The following ANKRD13D variants were observed in gnomAD, a reference collection of about 807,000 sequenced individuals.
The protein encoded by ANKRD13D is ankyrin repeat domain 13D.
A neutral mutation model predicts 68.8 loss-of-function variants in ANKRD13D; 24 were observed. That is an observed-to-expected ratio of 0.35 (90% CI 0.25 to 0.49). The LOEUF is 0.49. ANKRD13D is among the 20% of genes least tolerant of loss of function. ANKRD13D has a pLI of 0.99. For synonymous variants in ANKRD13D, 331 were observed against 336.1 expected (o/e 0.98, Z 0.16); for missense variants, 735 against 832.1 (o/e 0.88, Z 1.44).
Position 67,300,385 on chromosome 11 carries a change from C to T in ANKRD13D, c.1073+262C>T, listed in dbSNP as rs970069056. On this transcript the variant is annotated intron_variant, in intron 10 of 14. Coordinates refer to ENST00000511455, the MANE Select transcript of ANKRD13D (RefSeq NM_207354.3). This position sits in a 1 kb window ranked among gnomAD's most constrained non-coding sequence, Gnocchi z 4.3. ...TTCTATTGAATTTCATGAGTACCTG[C>T]TGGGGCCAGCGTGGCACAGTGGGAA... is the stretch of plus-strand genomic sequence containing the variant. 3.5e-5 allele frequency: 17 copies of T among 486,510 alleles called. No homozygotes were observed. The highest frequency in any genetic ancestry group is 2.9e-4 in the African/African-American group (15 of 51,070). 30.1% of individuals were successfully genotyped at this position (486,510 alleles called of 1,614,324 possible). A position where few individuals can be genotyped will look rare whatever the true frequency, so the allele number is the denominator to read the frequency against.
At chr11:67,290,254 C>T (rs144267578) in intron 2 of ANKRD13D, 41 bp downstream of exon 2, 10 of 1,544,164 alleles carry the variant, frequency 6.5e-6, no homozygotes, top group Middle Eastern at 1.7e-4. Flanking sequence ...GGCTGGCAGG[C>T]GGGGGGCAGT....
intron 6 of ANKRD13D, 164 bp from the exon 7 acceptor site, chr11:67,298,894 C>T (rs568559913): frequency 2.9e-6 from 2 of 689,728 alleles, no homozygotes; most frequent in African/African-American, 1.8e-5. Context: ...AGTGTCCCCC[C>T]CTGTCCAGGC....
intron 6 of ANKRD13D, among the ~76,000 whole-genome samples, chr11:67,293,483 A>G (rs1483035251): frequency 6.6e-6 from 1 of 151,998 alleles, no homozygotes; most frequent in Admixed American, 6.6e-5. Flanking sequence ...CAGATCCTTT[A>G]CTCATTTTTT....
Position 67,297,670 on chromosome 11 carries a change from C to T in ANKRD13D, c.732-1388C>T, listed in dbSNP as rs1032674159. Reference sequence around the variant, plus strand: ...CCTCCCGAGTAGCTGGGACTATAGGCGCCTGCCACCACGCCCGGCTAATTT... The same window carrying T: ...CCTCCCGAGTAGCTGGGACTATAGGTGCCTGCCACCACGCCCGGCTAATTT... On this transcript the variant is annotated intron_variant, in intron 6 of 14. Coordinates refer to ENST00000511455, the MANE Select transcript of ANKRD13D (RefSeq NM_207354.3). Among the ~76,000 whole-genome samples, 85 of 152,036 alleles carry T rather than the reference C, an allele frequency of 5.6e-4. 1 individual carries two copies. The highest frequency in any genetic ancestry group is 1.6e-4 in the Non-Finnish European group (11 of 67,986).
chr11:67,301,876 CG>C lies in ANKRD13D; in HGVS notation c.1604+57del. 6.6e-7 allele frequency: 1 copy of C among 1,517,900 alleles called. No homozygotes were observed. The allele number at this position is 1,517,900 out of a possible 1,614,324, so 94.0% of individuals were successfully genotyped here. A position where few individuals can be genotyped will look rare whatever the true frequency, so the allele number is the denominator to read the frequency against. ...CCCTGTCCCCCCAGCCCTGGCTTGG[CG>C]GGGAGGGGGATAGCAGGAAGGTGCT... On this transcript the variant is annotated intron_variant, in intron 14 of 14. Coordinates refer to ENST00000511455, the MANE Select transcript of ANKRD13D (RefSeq NM_207354.3). The surrounding 1 kb of genome is among the most constrained non-coding windows in gnomAD (Gnocchi z 4.5).
At chr11:67,292,593 CT>C (rs1860610168) in intron 6 of ANKRD13D, among the ~76,000 whole-genome samples, 1 of 151,866 alleles carries the variant, frequency 6.6e-6, no homozygotes, top group Non-Finnish European at 1.5e-5. Context: ...CACATGCCCC[CT>C]CTTGCCTTAA....
Position 67,302,182 on chromosome 11 carries a change from A to ACCCCCAG in ANKRD13D, c.1674_1680dup (p.Gly561SerfsTer8). The ACCCCCAG allele has an allele frequency of 6.3e-7, 1 of 1,594,470 alleles. No individual in the cohort carries two copies. Among genetic ancestry groups the ACCCCCAG allele is most frequent in the Non-Finnish European group, 8.5e-7 (1 of 1,171,560 alleles). On this transcript the variant is annotated frameshift_variant, in exon 15 of 15. Coordinates refer to ENST00000511455, the MANE Select transcript of ANKRD13D (RefSeq NM_207354.3). LOFTEE classifies it high-confidence loss of function. ...GGGGCCCAGGATCCCCTCCCAGGAC[A>ACCCCCAG]CCCCCAGCCCCCGGTCCACCCAGCT...
At position 67,301,692 on chromosome 11, in the gene ANKRD13D, A is replaced by G. The variant is rs1386667489; in HGVS notation, c.1513-40A>G. 3.1e-6 allele frequency: 5 copies of G among 1,610,968 alleles called. No homozygotes were observed. Among genetic ancestry groups the G allele is most frequent in the Non-Finnish European group, 3.4e-6 (4 of 1,179,482 alleles). On this transcript the variant is annotated intron_variant, in intron 13 of 14. Transcript: ENST00000511455. This position sits in a 1 kb window ranked among gnomAD's most constrained non-coding sequence, Gnocchi z 4.5. ...GGGGTGGGCTCTGGCCTCTGCAGCC[A>G]CACGGCAGAAGTGACAGCTGTGGGC...
In ANKRD13D at chr11:67,301,204, G is replaced by A. The variant is rs763067713; in HGVS notation, c.1231+57G>A. 9.4e-6 allele frequency: 15 copies of A among 1,600,666 alleles called. 1 individual carries two copies. The highest frequency in any genetic ancestry group is 7.9e-5 in the South Asian group (7 of 88,634). On this transcript the variant is annotated intron_variant, in intron 11 of 14. Coordinates refer to ENST00000511455, the MANE Select transcript of ANKRD13D (RefSeq NM_207354.3). The surrounding 1 kb of genome is among the most constrained non-coding windows in gnomAD (Gnocchi z 4.5). ...CTCAGGCATGGCACCCTCCCTCAGC[G>A]CAGTCCCTGGAGAGCTGCAGGGGCC...
At chr11:67,296,385 G>A (rs188430010) in intron 6 of ANKRD13D, among the ~76,000 whole-genome samples, 147 of 150,460 alleles carry the variant, frequency 9.8e-4, no homozygotes, top group Non-Finnish European at 1.7e-3. Flanking sequence ...ATAGTTTTTT[G>A]TTGTTATATT....
chr11:67,292,165 A>C lies in ANKRD13D; in HGVS notation c.716A>C (p.Asn239Thr). ...GTCTCCACCCACCTGGACACTCGTA[A>C]TGTGGCCTTTGAGAGGTCGGTCGGG... ...PIVSTHLDTR[N>T]VAFERNKCGI... is the part of the protein sequence containing the mutation. Residue 239 changes from asparagine (N) to threonine (T), a missense_variant, in exon 6 of 15, where the codon AAT becomes ACT. Coordinates refer to ENST00000511455, the MANE Select transcript of ANKRD13D (RefSeq NM_207354.3). 1 of 1,593,620 alleles carries C rather than the reference A, an allele frequency of 6.3e-7. No homozygotes were observed. The highest frequency in any genetic ancestry group is 1.1e-5 in the South Asian group (1 of 90,544).
rs1179197419 is a variant in ANKRD13D, at chr11:67,299,991, A to T, written c.943-2A>T. The T allele has an allele frequency of 1.2e-6, 2 of 1,611,688 alleles. No homozygotes were observed. Among genetic ancestry groups the T allele is most frequent in the African/African-American group, 2.7e-5 (2 of 74,864 alleles). The stretch of plus-strand genomic sequence containing the variant: ...GCTGAGTCCGCCCTGGGACCCACGC[A>T]GGCCCCCGTGCAGCAGGCAGCCAGC... On this transcript the variant is annotated splice_acceptor_variant, in intron 9 of 14. Coordinates refer to ENST00000511455, the MANE Select transcript of ANKRD13D (RefSeq NM_207354.3). LOFTEE classifies it high-confidence loss of function. The surrounding 1 kb of genome is among the most constrained non-coding windows in gnomAD (Gnocchi z 6.2).
chr11:67,300,500 G>A lies in ANKRD13D; in HGVS notation c.1073+377G>A, dbSNP rs1367618431. On this transcript the variant is annotated intron_variant, in intron 10 of 14. Transcript: ENST00000511455. This position sits in a 1 kb window ranked among gnomAD's most constrained non-coding sequence, Gnocchi z 4.3. ...TTGCCTCGTGAGGAGCCTTGAGCAG[G>A]TATAGGCGGTAACAGCAGGCACAGT... is the stretch of plus-strand genomic sequence containing the variant. The A allele has an allele frequency of 3.0e-6, 1 of 331,404 alleles. No homozygotes were observed. The highest frequency in any genetic ancestry group is 5.6e-6 in the Non-Finnish European group (1 of 178,884). 20.5% of individuals were successfully genotyped at this position (331,404 alleles called of 1,614,324 possible).
At chr11:67,294,941 G>A (rs1019062084) in intron 6 of ANKRD13D, among the ~76,000 whole-genome samples, 2 of 152,112 alleles carry the variant, frequency 1.3e-5, no homozygotes, top group South Asian at 4.1e-4. Context: ...CTGCAACATT[G>A]CTAAACTCAT....
chr11:67,302,184 C>A lies in ANKRD13D; in HGVS notation c.1670C>A (p.Pro557His). The change falls in exon 15 of 15, where the codon CCC (proline) becomes CAC (histidine). Residue 557 changes from proline (P) to histidine (H), a missense_variant. Physicochemically the swap from Pro to His is moderately conservative, Grantham distance 77. Coordinates refer to ENST00000511455, the MANE Select transcript of ANKRD13D (RefSeq NM_207354.3). ...PRGPGSPPRTPPAPGPPSFEE... is the reference protein window; with the variant it reads ...PRGPGSPPRTHPAPGPPSFEE... The stretch of plus-strand genomic sequence containing the variant: ...GGCCCAGGATCCCCTCCCAGGACAC[C>A]CCCAGCCCCCGGTCCACCCAGCTTT... 6.3e-7 allele frequency: 1 copy of A among 1,594,780 alleles called. No homozygotes were observed. The highest frequency in any genetic ancestry group is 8.5e-7 in the Non-Finnish European group (1 of 1,171,522).
intron 6 of ANKRD13D, among the ~76,000 whole-genome samples, chr11:67,297,386 G>A (rs1042540890): frequency 1.3e-5 from 2 of 152,034 alleles, no homozygotes; most frequent in Non-Finnish European, 2.9e-5. Context: ...GTAGAGATGG[G>A]GTTTCACCAT....
Position 67,296,280 on chromosome 11 carries a change from G to T in ANKRD13D, c.732-2778G>T, listed in dbSNP as rs567042911. Among the ~76,000 whole-genome samples, 12 of 151,374 alleles carry T rather than the reference G, an allele frequency of 7.9e-5. No homozygotes were observed. The East Asian group carries it at 1.8e-3, about 22-fold the overall frequency. On this transcript the variant is annotated intron_variant, in intron 6 of 14. Coordinates refer to ENST00000511455, the MANE Select transcript of ANKRD13D (RefSeq NM_207354.3). ...TTTTTTTAATAGTTTGCAAATAATT[G>T]GTATTAATTTGTCTTCAAAAGATTG...
Position 67,290,206 on chromosome 11 carries a change from C to T in ANKRD13D, c.219C>T (p.Gly73=). The T allele has an allele frequency of 6.5e-7, 1 of 1,539,282 alleles. No individual in the cohort carries two copies. The highest frequency in any genetic ancestry group is 8.7e-7 in the Non-Finnish European group (1 of 1,146,868). ...NANVGKENRQ[G]WAVLQEAVST... is the part of the protein sequence containing the mutation. ...ACGTGGGCAAAGAGAACCGCCAGGG[C>T]TGGGCAGGTACTGCAGAGGACAAGG... The change falls in exon 2 of 15, where the codon GGC becomes GGT. Residue 73 remains glycine (G), a synonymous_variant. Transcript: ENST00000511455.
rs376993735 is a variant in ANKRD13D, at chr11:67,300,652, G to A, written c.1074-338G>A. Reference sequence around the variant, plus strand: ...GCTGGACATAAAAGTTTGGCAACACGTGAGCTGGTGACCAGCTCTGGGCTG... The same window carrying A: ...GCTGGACATAAAAGTTTGGCAACACATGAGCTGGTGACCAGCTCTGGGCTG... On this transcript the variant is annotated intron_variant, in intron 10 of 14. Transcript: ENST00000511455. The surrounding 1 kb of genome is among the most constrained non-coding windows in gnomAD (Gnocchi z 4.3). 2 of 461,354 alleles carry A rather than the reference G, an allele frequency of 4.3e-6. No homozygotes were observed. The highest frequency in any genetic ancestry group is 6.7e-5 in the East Asian group (2 of 29,680). The allele number at this position is 461,354 out of a possible 1,614,324, so 28.6% of individuals were successfully genotyped here. A position where few individuals can be genotyped will look rare whatever the true frequency, so the allele number is the denominator to read the frequency against.
Sources: gnomAD v4.1 joint callset for allele counts (sites outside exome capture counted in the v4.1 genomes callset) on GRCh38, gnomAD v4.1.1 for gene constraint, Gnocchi (gnomAD v3.1) non-coding constraint, MANE v1.5 for transcripts, NCBI Gene and HGNC (gene_info 2026-07-23, HGNC 2026-07-21) for gene names.